Variants in MBD5 observed in about 807,000 individuals in gnomAD.
MBD5 encodes methyl-CpG-binding domain protein 5.
Under a neutral mutation model 117.3 loss-of-function variants are expected in MBD5, and 13 were observed. The ratio of observed to expected loss-of-function variants is 0.11; its 90% CI spans 0.07 to 0.18. The LOEUF (loss-of-function observed/expected upper bound fraction) is 0.18. Ranked by LOEUF, MBD5 falls within the 10% of genes least tolerant of loss-of-function variation. The probability of loss-of-function intolerance (pLI) is 1.00; values close to 1 mark genes in which losing one functional copy is unlikely to be tolerated. For synonymous variants in MBD5, 727 were observed against 766.4 expected, an observed-to-expected ratio of 0.95 and a Z score of 0.85; for missense variants, 1,879 against 2,093.8, an observed-to-expected ratio of 0.90 and a Z score of 2.00.
chr2:148,236,758 G>A (rs1700099941), intron 3 of MBD5, among the ~76,000 whole-genome samples: 1 of 152,292 alleles, frequency 6.6e-6, no homozygotes, highest in African/African-American at 2.4e-5. Context: ...AAGAGAATCA[G>A]TGGTTCCTTT....
intron 4 of MBD5, among the ~76,000 whole-genome samples, chr2:148,454,025 A>G (rs924422877): frequency 2.6e-5 from 4 of 152,098 alleles, no homozygotes; most frequent in African/African-American, 9.6e-5. Context: ...TATCAGATTT[A>G]TTTGTCATTG....
intron 1 of MBD5, among the ~76,000 whole-genome samples, chr2:148,174,102 T>C (rs1698326375): frequency 6.6e-6 from 1 of 151,992 alleles, no homozygotes; most frequent in Non-Finnish European, 1.5e-5. Context: ...AAAATAAAAA[T>C]GAACACATCC....
At chr2:148,210,091 G>GA (rs374953602) in intron 2 of MBD5, among the ~76,000 whole-genome samples, 99 of 152,112 alleles carry the variant, frequency 6.5e-4, no homozygotes, top group African/African-American at 2.3e-3. Context: ...TGGACTTTAG[G>GA]AAGCCTAACA....
chr2:148,394,154 T>C (rs1157897326), intron 4 of MBD5, among the ~76,000 whole-genome samples: 2 of 152,180 alleles, frequency 1.3e-5, no homozygotes, highest in African/African-American at 2.4e-5. Context: ...CTATATTGTT[T>C]TTTCTTTAGT....
intron 4 of MBD5, among the ~76,000 whole-genome samples, chr2:148,378,833 G>T (rs1704057077): frequency 6.6e-6 from 1 of 152,018 alleles, no homozygotes; most frequent in African/African-American, 2.4e-5. Flanking sequence ...AATTACAAAT[G>T]TATAGTTATT....
intron 4 of MBD5, among the ~76,000 whole-genome samples, chr2:148,370,647 C>G (rs192305998): frequency 8.5e-5 from 13 of 152,182 alleles, no homozygotes; most frequent in Admixed American, 7.2e-4. Flanking sequence ...CACCACTACA[C>G]TTGGCTAATG....
intron 2 of MBD5, among the ~76,000 whole-genome samples, chr2:148,218,708 G>A (rs1699614466): frequency 6.6e-6 from 1 of 152,116 alleles, no homozygotes; most frequent in Non-Finnish European, 1.5e-5. Flanking sequence ...TTATTGTACT[G>A]AATACTGTAG....
At chr2:148,219,294 A>G (rs545100665) in intron 2 of MBD5, among the ~76,000 whole-genome samples, 102 of 152,252 alleles carry the variant, frequency 6.7e-4, no homozygotes, top group Non-Finnish European at 1.1e-3. Flanking sequence ...GCAGTAACCC[A>G]CACGGAGCTG....
intron 1 of MBD5, among the ~76,000 whole-genome samples, chr2:148,142,135 G>A (rs1291341130): frequency 6.6e-6 from 1 of 152,066 alleles, no homozygotes; most frequent in Non-Finnish European, 1.5e-5. Context: ...ATTGCAAATG[G>A]GAGTCCCACA....
chr2:148,514,396 A>G lies in MBD5; in HGVS notation c.*1455A>G, dbSNP rs1682297953. 1 of 152,200 alleles carries G rather than the reference A, an allele frequency of 6.6e-6. No homozygotes were observed. Among genetic ancestry groups the G allele is most frequent in the South Asian group, 2.1e-4 (1 of 4,838 alleles). 9.4% of individuals were successfully genotyped at this position (152,200 alleles called of 1,614,324 possible). On this transcript the variant is annotated 3_prime_UTR_variant, in exon 14 of 14. Transcript: ENST00000642680. ...ATTTTTGTGGTGGTGGTATTACCCT[A>G]TCTTCCAGGCAGTTAAGCAAAGTTT...
intron 1 of MBD5, among the ~76,000 whole-genome samples, chr2:148,060,319 G>A (rs1234430): frequency 0.64 from 96,334 of 150,616 alleles, 31,797 homozygotes; most frequent in African/African-American, 0.82. Context: ...CAAAGAAAAA[G>A]GAAAAGAAAA....
At chr2:148,070,788 C>G (rs1337761525) in intron 1 of MBD5, 5 of 151,688 alleles carry the variant, frequency 3.3e-5, no homozygotes, top group African/African-American at 1.2e-4. Flanking sequence ...ACACAACAGT[C>G]TATTTAAAAT....
chr2:148,292,892 A>T (rs79987303), intron 3 of MBD5, among the ~76,000 whole-genome samples: 1 of 96,988 alleles, frequency 1.0e-5, no homozygotes, highest in East Asian at 2.6e-4. Context: ...ATTCAGCCAT[A>T]AAAAAAAAAA....
intron 2 of MBD5, among the ~76,000 whole-genome samples, chr2:148,209,782 C>T (rs1699375448): frequency 6.6e-6 from 1 of 151,904 alleles, no homozygotes; most frequent in Non-Finnish European, 1.5e-5. Flanking sequence ...AGGGGAGGAG[C>T]AAGGGGCGGG....
At chr2:148,258,302 A>G (rs1441646362) in intron 3 of MBD5, among the ~76,000 whole-genome samples, 2 of 152,204 alleles carry the variant, frequency 1.3e-5, no homozygotes, top group African/African-American at 2.4e-5. Flanking sequence ...GGGGAGTCAA[A>G]CAACGGATGC....
chr2:148,033,918 T>C (rs1694113922), intron 1 of MBD5, among the ~76,000 whole-genome samples: 1 of 152,248 alleles, frequency 6.6e-6, no homozygotes. Context: ...CCAGCATTGA[T>C]TCATTTTCCA....
chr2:148,330,963 A>G (rs1174552051), intron 3 of MBD5, among the ~76,000 whole-genome samples: 1 of 152,228 alleles, frequency 6.6e-6, no homozygotes, highest in East Asian at 1.9e-4. Flanking sequence ...CCAAGATTAT[A>G]TAACTAGAAA....
At chr2:148,474,154 C>A (rs576505158) in intron 8 of MBD5, among the ~76,000 whole-genome samples, 1 of 152,276 alleles carries the variant, frequency 6.6e-6, no homozygotes, top group East Asian at 1.9e-4. Context: ...ATGTGAGTAG[C>A]TATAGCACAT....
intron 1 of MBD5, among the ~76,000 whole-genome samples, chr2:148,040,515 TGTATATATGG>T (rs1485462663): frequency 1.3e-5 from 2 of 152,224 alleles, no homozygotes; most frequent in Non-Finnish European, 1.5e-5. Context: ...GTTACTTTGA[TGTATATATGG>T]GTATTTATAT....
Sources: gnomAD v4.1 joint callset for allele counts (sites outside exome capture counted in the v4.1 genomes callset) on GRCh38, gnomAD v4.1.1 for gene constraint, MANE v1.5 for transcripts, NCBI Gene and HGNC (gene_info 2026-07-23, HGNC 2026-07-21) for gene names.